SCUBE1: variants seen among roughly 807,000 people sequenced by gnomAD.
SCUBE1 encodes signal peptide, CUB domain and EGF like domain containing 1.
In SCUBE1, 59 loss-of-function variants were observed where a neutral mutation model predicts 124.4. The observed-to-expected ratio is 0.47, with a 90% CI of 0.38 to 0.59. The LOEUF (loss-of-function observed/expected upper bound fraction) is 0.59, where lower values mean the gene tolerates loss of function less well. Ranked by LOEUF, SCUBE1 falls within the 20% of genes least tolerant of loss-of-function variation. SCUBE1 has a pLI of 0.00. For synonymous variants in SCUBE1, 545 were observed against 550.9 expected (o/e 0.99, Z 0.15); for missense variants, 1,150 against 1,371.2 (o/e 0.84, Z 2.55).
chr22:43,251,619 G>A (rs561200775), intron 6 of SCUBE1, among the ~76,000 whole-genome samples: 10 of 152,254 alleles, frequency 6.6e-5, no homozygotes, highest in African/African-American at 9.6e-5. Context: ...AGAAGGGACC[G>A]CGGGACAAGG....
chr22:43,245,938 C>T (rs902985402), intron 6 of SCUBE1, among the ~76,000 whole-genome samples: 2 of 152,170 alleles, frequency 1.3e-5, no homozygotes, highest in African/African-American at 4.8e-5. Context: ...GTGGGTGTTC[C>T]CGCACCTGCT....
In SCUBE1 at chr22:43,275,040, C is replaced by T. The variant is rs183299189; in HGVS notation, c.485-12195G>A. Among the ~76,000 whole-genome samples, 500 of 152,292 alleles carry T rather than the reference C, an allele frequency of 3.3e-3. 3 individuals are homozygous for T. Among genetic ancestry groups the T allele is most frequent in the Middle Eastern group, 0.017 (5 of 294 alleles). ...TGCACTCAACAGACAAACGTGTGGG[C>T]GATCTGTGATGTGCCCTGGGGGCAC... On this transcript the variant is annotated intron_variant, in intron 4 of 21. Coordinates refer to ENST00000360835, the MANE Select transcript of SCUBE1 (RefSeq NM_173050.5).
chr22:43,243,853 A>G (rs1569505337), intron 6 of SCUBE1, among the ~76,000 whole-genome samples: 1 of 152,094 alleles, frequency 6.6e-6, no homozygotes, highest in African/African-American at 2.4e-5. Flanking sequence ...TTGGGTCCAC[A>G]CTCTCACTGT....
At chr22:43,309,791 C>T (rs1926106550) in intron 3 of SCUBE1, among the ~76,000 whole-genome samples, 1 of 152,092 alleles carries the variant, frequency 6.6e-6, no homozygotes, top group Non-Finnish European at 1.5e-5. Flanking sequence ...GAAACCCAAT[C>T]ATCAGTTTTG....
At chr22:43,337,577 GCCT>G (rs921668123) in intron 2 of SCUBE1, among the ~76,000 whole-genome samples, 5 of 152,308 alleles carry the variant, frequency 3.3e-5, no homozygotes, top group Admixed American at 2.6e-4. Flanking sequence ...CTCCAGCCTG[GCCT>G]CCTTCCAGAG....
At chr22:43,253,947 G>A (rs1923559643) in intron 6 of SCUBE1, among the ~76,000 whole-genome samples, 1 of 152,184 alleles carries the variant, frequency 6.6e-6, no homozygotes, top group Non-Finnish European at 1.5e-5. Flanking sequence ...CGACTCTGGG[G>A]CTCCCTCCAC....
intron 2 of SCUBE1, among the ~76,000 whole-genome samples, chr22:43,329,282 G>T (rs568018378): frequency 1.9e-4 from 29 of 152,366 alleles, no homozygotes; most frequent in Non-Finnish European, 3.8e-4. Flanking sequence ...AGGGACAGTT[G>T]GCTAAGCCCC....
intron 4 of SCUBE1, among the ~76,000 whole-genome samples, chr22:43,268,166 C>A (rs190770297): frequency 9.8e-5 from 15 of 152,358 alleles, no homozygotes; most frequent in Non-Finnish European, 1.5e-4. Context: ...TCTACTCAGG[C>A]CCAACCCCAA....
chr22:43,317,665 T>C (rs1167560717), intron 3 of SCUBE1, among the ~76,000 whole-genome samples: 1 of 152,248 alleles, frequency 6.6e-6, no homozygotes, highest in African/African-American at 2.4e-5. Context: ...CAGACACGTC[T>C]GCTTTGAGAG....
chr22:43,341,374 C>T (rs371693811), intron 1 of SCUBE1, among the ~76,000 whole-genome samples: 7 of 152,318 alleles, frequency 4.6e-5, no homozygotes, highest in South Asian at 2.1e-4. Context: ...AGAGAGGGCC[C>T]ATCTCCAGGC....
At chr22:43,314,720 A>G (rs1406336844) in intron 3 of SCUBE1, among the ~76,000 whole-genome samples, 2 of 151,834 alleles carry the variant, frequency 1.3e-5, no homozygotes, top group South Asian at 2.1e-4. Flanking sequence ...GAGGCTCGTC[A>G]TGGTGTGGGG....
intron 5 of SCUBE1, among the ~76,000 whole-genome samples, chr22:43,262,406 G>A (rs2146712057): frequency 6.6e-6 from 1 of 152,274 alleles, no homozygotes; most frequent in African/African-American, 2.4e-5. Context: ...GAGAAACCTG[G>A]TCCTGTAGAC....
chr22:43,254,302 C>T (rs1262347840), intron 6 of SCUBE1, among the ~76,000 whole-genome samples: 1 of 152,208 alleles, frequency 6.6e-6, no homozygotes, highest in African/African-American at 2.4e-5. Flanking sequence ...TCAGCCAGAC[C>T]CATGAGCTCC....
intron 15 of SCUBE1, among the ~76,000 whole-genome samples, chr22:43,217,859 C>T (rs1046918016): frequency 1.3e-5 from 2 of 152,200 alleles, no homozygotes; most frequent in Non-Finnish European, 2.9e-5. Flanking sequence ...GCTCTGTCCC[C>T]CGACCCTGAC....
At chr22:43,243,776 CCA>C (rs1923098870) in intron 6 of SCUBE1, among the ~76,000 whole-genome samples, 1 of 152,196 alleles carries the variant, frequency 6.6e-6, no homozygotes, top group Non-Finnish European at 1.5e-5. Context: ...ATCATATTTA[CCA>C]CACAGTTCTT....
chr22:43,232,285 A>G (rs1922586111), intron 7 of SCUBE1: 4 of 181,726 alleles, frequency 2.2e-5, no homozygotes, highest in Non-Finnish European at 4.7e-5. Flanking sequence ...ACTTCTGGTG[A>G]CCTCGGCAAG....
In SCUBE1 at chr22:43,207,938, A is replaced by C. The variant is rs780248914; in HGVS notation, c.2734+134T>G. Reference sequence around the variant, plus strand: ...AGCCTGTCTGGCTCTGGCCCCTGACAGTGTTCGTTCTGCTTCCAGGTCTGT... The same window carrying C: ...AGCCTGTCTGGCTCTGGCCCCTGACCGTGTTCGTTCTGCTTCCAGGTCTGT... On this transcript the variant is annotated intron_variant, in intron 20 of 21. Transcript: ENST00000360835. 94 of 1,020,488 alleles carry C rather than the reference A, an allele frequency of 9.2e-5. 1 individual carries two copies. Among genetic ancestry groups the C allele is most frequent in the Non-Finnish European group, 1.3e-4 (85 of 661,030 alleles). 63.2% of individuals were successfully genotyped at this position (1,020,488 alleles called of 1,614,324 possible).
intron 10 of SCUBE1, among the ~76,000 whole-genome samples, chr22:43,224,680 G>A (rs1248505354): frequency 6.6e-6 from 1 of 152,108 alleles, no homozygotes; most frequent in Non-Finnish European, 1.5e-5. Flanking sequence ...GTGAAAGGAG[G>A]CCCCTTTGTT....
chr22:43,267,534 G>A, intron 4 of SCUBE1, among the ~76,000 whole-genome samples: 1 of 152,188 alleles, frequency 6.6e-6, no homozygotes, highest in East Asian at 1.9e-4. Flanking sequence ...GAGAAGTCCT[G>A]CGGTCCCTGT....
Sources: gnomAD v4.1 joint callset for allele counts (sites outside exome capture counted in the v4.1 genomes callset) on GRCh38, gnomAD v4.1.1 for gene constraint, MANE v1.5 for transcripts, NCBI Gene and HGNC (gene_info 2026-07-23, HGNC 2026-07-21) for gene names.